Variants in CPNE9 observed in about 807,000 individuals in gnomAD.
The protein encoded by CPNE9 is copine-9.
CPNE9 carries 59 observed loss-of-function variants against 83.0 expected under a neutral mutation model. The observed-to-expected ratio is 0.71, with a 90% CI of 0.58 to 0.88. The LOEUF (loss-of-function observed/expected upper bound fraction) is 0.88. Ranked by LOEUF, CPNE9 falls within the 40% of genes least tolerant of loss-of-function variation. The pLI is 0.00. For missense variants in CPNE9, 619 were observed against 720.8 expected (o/e 0.86, Z 1.62); for synonymous variants, 256 against 273.4 (o/e 0.94, Z 0.63).
chr3:9,708,835 C>T (rs779417475), intron 7 of CPNE9, among the ~76,000 whole-genome samples: 19 of 151,752 alleles, frequency 1.3e-4, no homozygotes, highest in South Asian at 4.1e-4. Flanking sequence ...GGGGTTTCAC[C>T]GTGTTAGCCA....
rs943997612 is a variant in CPNE9 at position 9,704,698 on chromosome 3, C to G, written c.110-51C>G. 1 of 1,609,882 alleles carries G rather than the reference C, an allele frequency of 6.2e-7. No individual in the cohort carries two copies. The highest frequency in any genetic ancestry group is 8.5e-7 in the Non-Finnish European group (1 of 1,176,862). On this transcript the variant is annotated intron_variant, in intron 2 of 20. Transcript: ENST00000383832. This position sits in a 1 kb window ranked among gnomAD's most constrained non-coding sequence, Gnocchi z 7.1. ...GACTCAGGGGCGGGTGGAGTCGGGG[C>G]CAGGGGTGGGAGCCGACCTGACGTC...
intron 17 of CPNE9, among the ~76,000 whole-genome samples, chr3:9,722,176 C>T (rs1553691434): frequency 1.3e-5 from 2 of 151,648 alleles, no homozygotes; most frequent in Non-Finnish European, 2.9e-5. Context: ...CCCCGCCACC[C>T]GGCCTCCCAA....
intron 10 of CPNE9, among the ~76,000 whole-genome samples, chr3:9,713,779 C>T (rs1231240995): frequency 6.6e-6 from 1 of 151,968 alleles, no homozygotes; most frequent in African/African-American, 2.4e-5. Context: ...AGTATAAAGA[C>T]AGATGGTAGG....
chr3:9,711,643 G>C (rs2076630417), intron 7 of CPNE9, among the ~76,000 whole-genome samples: 1 of 152,190 alleles, frequency 6.6e-6, no homozygotes, highest in South Asian at 2.1e-4. Context: ...TAGCAAGTTA[G>C]AGCCAGGACT....
chr3:9,708,464 G>A (rs2076585312), intron 7 of CPNE9, among the ~76,000 whole-genome samples: 1 of 152,200 alleles, frequency 6.6e-6, no homozygotes, highest in Admixed American at 6.5e-5. Context: ...AAAGAGAAGG[G>A]TTATCAAGAA....
chr3:9,709,231 A>G (rs909601284), intron 7 of CPNE9, among the ~76,000 whole-genome samples: 1 of 146,916 alleles, frequency 6.8e-6, no homozygotes, highest in Non-Finnish European at 1.5e-5. Context: ...AGCCGAGATC[A>G]CGCTACTGCA....
At position 9,704,451 on chromosome 3, in the gene CPNE9, C is replaced by A; in HGVS notation, c.69-136C>A. ...CTGTCCAGAGTGCTGACAGAGCGGACCCCGGCTGGGGGTAGCCATGGGGGA... is the reference window on the plus strand; with the variant it reads ...CTGTCCAGAGTGCTGACAGAGCGGAACCCGGCTGGGGGTAGCCATGGGGGA... On this transcript the variant is annotated intron_variant, in intron 1 of 20. Coordinates refer to ENST00000383832, the MANE Select transcript of CPNE9 (RefSeq NM_153635.3). This position sits in a 1 kb window ranked among gnomAD's most constrained non-coding sequence, Gnocchi z 7.1. The A allele has an allele frequency of 1.2e-6, 1 of 810,160 alleles. No individual in the cohort carries two copies. Among genetic ancestry groups the A allele is most frequent in the Non-Finnish European group, 2.2e-6 (1 of 456,656 alleles). The allele number at this position is 810,160 out of a possible 1,614,324, so 50.2% of individuals were successfully genotyped here. A position where few individuals can be genotyped will look rare whatever the true frequency, so the allele number is the denominator to read the frequency against.
chr3:9,724,958 T>C lies in CPNE9; in HGVS notation c.1242-991T>C, dbSNP rs139337213. On this transcript the variant is annotated intron_variant, in intron 17 of 20. Coordinates refer to ENST00000383832, the MANE Select transcript of CPNE9 (RefSeq NM_153635.3). Reference sequence around the variant, plus strand: ...TTTTCATAGAGACAGGGTTTCACCATATTGGCCAGGCTGGTCTCCAACCCC... The same window carrying C: ...TTTTCATAGAGACAGGGTTTCACCACATTGGCCAGGCTGGTCTCCAACCCC... Among the ~76,000 whole-genome samples the C allele has an allele frequency of 9.1e-4, 139 of 152,032 alleles. 1 individual carries two copies. The East Asian group carries it at 0.014, about 15-fold the overall frequency.
intron 7 of CPNE9, among the ~76,000 whole-genome samples, chr3:9,707,553 G>C (rs1225866152): frequency 6.6e-6 from 1 of 151,520 alleles, no homozygotes; most frequent in East Asian, 1.9e-4. Context: ...AAGAGGAGTT[G>C]AGGACAACAC....
At chr3:9,715,949 C>T (rs548956229) in intron 13 of CPNE9, 25 bp from the exon 14 acceptor site, 7 of 1,606,724 alleles carry the variant, frequency 4.4e-6, no homozygotes, top group Non-Finnish European at 6.0e-6. Context: ...TCCAAAGTGC[C>T]AGGGCTGCCT....
In CPNE9 at chr3:9,707,180, T is replaced by C. The variant is rs534220315; in HGVS notation, c.377+1117T>C. Among the ~76,000 whole-genome samples the C allele has an allele frequency of 3.3e-3, 508 of 151,690 alleles. 1 individual carries two copies. The highest frequency in any genetic ancestry group is 0.031 in the Middle Eastern group (9 of 294). ...CATCCTGGCTAACACGGTGAAACCC[T>C]GTCTCTACTAAAAATACAAAAACTT... On this transcript the variant is annotated intron_variant, in intron 7 of 20. Transcript: ENST00000383832.
intron 7 of CPNE9, among the ~76,000 whole-genome samples, chr3:9,709,456 C>T (rs2076601940): frequency 6.7e-6 from 1 of 148,968 alleles, no homozygotes; most frequent in Non-Finnish European, 1.5e-5. Flanking sequence ...GCAACCTCTG[C>T]TGCCCGGGTT....
In CPNE9 at chr3:9,704,045, GA is replaced by G. The variant is rs992147183; in HGVS notation, c.52del (p.Ile18LeufsTer9). 2.5e-6 allele frequency: 4 copies of G among 1,608,992 alleles called. No individual in the cohort carries two copies. The highest frequency in any genetic ancestry group is 3.3e-5 in the Admixed American group (2 of 59,806). On this transcript the variant is annotated frameshift_variant, in exon 1 of 21. Transcript: ENST00000383832. LOFTEE classifies it high-confidence loss of function. This position sits in a 1 kb window ranked among gnomAD's most constrained non-coding sequence, Gnocchi z 7.1. ...GCGCAGCGTCCCGGCCACCAAGATT[GA>G]AATTACCGTGTCCTGCCGGTGAGCG... ...SERSVPATKI[E>X]ITVSCRNLLD... is the part of the protein sequence containing the mutation.
At chr3:9,707,438 C>T (rs926821194) in intron 7 of CPNE9, among the ~76,000 whole-genome samples, 2 of 150,090 alleles carry the variant, frequency 1.3e-5, no homozygotes, top group African/African-American at 4.9e-5. Context: ...TGACAGTAAT[C>T]CAGGATGCTA....
At chr3:9,718,641 C>A in intron 17 of CPNE9, 39 bp downstream of exon 17, 4 of 1,602,622 alleles carry the variant, frequency 2.5e-6, no homozygotes, top group Non-Finnish European at 3.4e-6. Context: ...AATGAGGGGA[C>A]CCACATAAGG....
rs996921325 is a variant in CPNE9, at chr3:9,726,842, G to A, written c.1402+120G>A. 6.3e-5 allele frequency: 58 copies of A among 925,054 alleles called. No homozygotes were observed. In the African/African-American group the frequency reaches 7.7e-4, roughly 12 times the overall value. The allele number at this position is 925,054 out of a possible 1,614,324, so 57.3% of individuals were successfully genotyped here. On this transcript the variant is annotated intron_variant, in intron 19 of 20. Coordinates refer to ENST00000383832, the MANE Select transcript of CPNE9 (RefSeq NM_153635.3). ...GGTAGACACCCCCGTGTGAAGCCTT[G>A]GTCAAGTCACAGACCTTCTCTGAAC...
At chr3:9,718,826 C>A (rs963186048) in intron 17 of CPNE9, among the ~76,000 whole-genome samples, 6 of 149,060 alleles carry the variant, frequency 4.0e-5, no homozygotes, top group African/African-American at 1.5e-4. Flanking sequence ...TTTAGTGAGA[C>A]CCCATCTCTT....
chr3:9,728,123 G>A (rs1276147835), intron 20 of CPNE9, among the ~76,000 whole-genome samples: 3 of 152,208 alleles, frequency 2.0e-5, no homozygotes. Flanking sequence ...CACTGGGTTC[G>A]AAGTATCTGT....
In CPNE9 at chr3:9,703,902, C is replaced by G. The variant is rs2076530536; in HGVS notation, c.-95C>G. On this transcript the variant is annotated 5_prime_UTR_variant, in exon 1 of 21. Transcript: ENST00000383832. ...AGTGCAGCCGCCGCCGCCGCCGACA[C>G]CGCGGCACATGGGCCGGCCCCGCCG... 9.3e-7 allele frequency: 1 copy of G among 1,070,256 alleles called. No homozygotes were observed. Among genetic ancestry groups the G allele is most frequent in the Non-Finnish European group, 1.3e-6 (1 of 775,380 alleles). The allele number at this position is 1,070,256 out of a possible 1,614,324, so 66.3% of individuals were successfully genotyped here.
Sources: allele counts gnomAD v4.1 joint callset (sites outside exome capture counted in the v4.1 genomes callset), GRCh38; gene constraint gnomAD v4.1.1; non-coding constraint Gnocchi (gnomAD v3.1); transcripts MANE v1.5; gene names NCBI Gene and HGNC (gene_info 2026-07-23, HGNC 2026-07-21).